Variants in IFT74 observed in about 807,000 individuals in gnomAD.
IFT74 encodes the protein intraflagellar transport 74, also known as intraflagellar transport protein 74 homolog.
In IFT74, 92 loss-of-function variants were observed where a neutral mutation model predicts 96.7. The observed-to-expected ratio is 0.95, with a 90% CI of 0.80 to 1.13. IFT74 has a LOEUF of 1.13. Among genes scored for constraint, IFT74 ranks in the 50% most tolerant of loss-of-function variants. The pLI is 0.00. For synonymous variants in IFT74, 223 were observed against 213.2 expected, an observed-to-expected ratio of 1.05 and a Z score of -0.40; for missense variants, 811 against 698.2, an observed-to-expected ratio of 1.16 and a Z score of -1.82.
intron 1 of IFT74, among the ~76,000 whole-genome samples, chr9:26,957,391 T>C (rs1451634369): frequency 6.6e-6 from 1 of 152,220 alleles, no homozygotes; most frequent in Non-Finnish European, 1.5e-5. Context: ...AAAAACCATT[T>C]TGATCATACA....
chr9:27,021,334 T>A (rs1054333469), intron 12 of IFT74, among the ~76,000 whole-genome samples: 2 of 152,294 alleles, frequency 1.3e-5, no homozygotes, highest in Admixed American at 1.3e-4. Flanking sequence ...TTCTATTTCC[T>A]CTGGATAGAT....
intron 1 of IFT74, among the ~76,000 whole-genome samples, chr9:26,958,063 C>T (rs1826200659): frequency 6.6e-6 from 1 of 151,608 alleles, no homozygotes; most frequent in African/African-American, 2.4e-5. Flanking sequence ...GCTTTGTTTG[C>T]TTTTTAACAA....
intron 1 of IFT74, among the ~76,000 whole-genome samples, chr9:26,950,310 CAA>C (rs768360968): frequency 8.0e-5 from 10 of 124,342 alleles, no homozygotes; most frequent in Admixed American, 2.5e-4. Flanking sequence ...GACTCTGTCT[CAA>C]AAAAAAAAAA....
intron 14 of IFT74, among the ~76,000 whole-genome samples, chr9:27,046,456 T>G (rs1373766784): frequency 6.6e-6 from 1 of 152,186 alleles, no homozygotes; most frequent in East Asian, 1.9e-4. Context: ...TTTTAGATGC[T>G]CCATAGAAAT....
intron 12 of IFT74, among the ~76,000 whole-genome samples, chr9:27,023,485 A>G (rs1398266293): frequency 6.6e-6 from 1 of 152,148 alleles, no homozygotes; most frequent in Non-Finnish European, 1.5e-5. Context: ...ATGTTCACTC[A>G]TCCCTGCATC....
At chr9:27,022,185 C>T (rs558284897) in intron 12 of IFT74, among the ~76,000 whole-genome samples, 2 of 152,196 alleles carry the variant, frequency 1.3e-5, no homozygotes, top group East Asian at 3.9e-4. Context: ...TGCCATTGGT[C>T]CATGTACATG....
intron 13 of IFT74, among the ~76,000 whole-genome samples, chr9:27,040,555 A>T (rs1452923512): frequency 6.6e-6 from 1 of 151,456 alleles, no homozygotes; most frequent in Non-Finnish European, 1.5e-5. Flanking sequence ...AAAAAAAAAA[A>T]AAAAAAAAAA....
At chr9:27,004,521 C>G (rs1025185591) in intron 8 of IFT74, among the ~76,000 whole-genome samples, 1 of 152,128 alleles carries the variant, frequency 6.6e-6, no homozygotes, top group Non-Finnish European at 1.5e-5. Flanking sequence ...AGTCCCCAGA[C>G]AAAGCATTTG....
At chr9:27,061,197 TAGAA>T (rs926993680) in intron 19 of IFT74, among the ~76,000 whole-genome samples, 1 of 151,868 alleles carries the variant, frequency 6.6e-6, no homozygotes, top group South Asian at 2.1e-4. Flanking sequence ...AAGTAACTAA[TAGAA>T]AGCAGATTTT....
chr9:27,006,582 TG>T (rs1828789228), intron 8 of IFT74, among the ~76,000 whole-genome samples: 1 of 142,230 alleles, frequency 7.0e-6, no homozygotes, highest in African/African-American at 2.7e-5. Flanking sequence ...GGGTGACAAG[TG>T]GTACCTGTCA....
chr9:26,971,696 A>C (rs562514131), intron 2 of IFT74, among the ~76,000 whole-genome samples: 2 of 152,154 alleles, frequency 1.3e-5, no homozygotes, highest in African/African-American at 2.4e-5. Flanking sequence ...GCCCTGGGAC[A>C]TGTACAATAG....
chr9:26,982,691 G>T (rs1827439739), intron 4 of IFT74, among the ~76,000 whole-genome samples: 1 of 152,038 alleles, frequency 6.6e-6, no homozygotes, highest in Non-Finnish European at 1.5e-5. Flanking sequence ...CCAACCTCAG[G>T]TGATCTGCCC....
At position 27,050,890 on chromosome 9, in the gene IFT74, A is replaced by G. The variant is rs549572725; in HGVS notation, c.1333+2616A>G. Among the ~76,000 whole-genome samples the G allele has an allele frequency of 9.2e-5, 14 of 152,122 alleles. No individual in the cohort carries two copies. The East Asian group carries it at 2.3e-3, about 25-fold the overall frequency. On this transcript the variant is annotated intron_variant, in intron 16 of 19. Transcript: ENST00000380062. Reference sequence around the variant, plus strand: ...CCTAGAACTTAAAGTATAATAATATATATATATAAAAGATTTTTGAAATGA... The same window carrying G: ...CCTAGAACTTAAAGTATAATAATATGTATATATAAAAGATTTTTGAAATGA...
At chr9:26,995,803 A>G in intron 8 of IFT74, 1 of 1,609,410 alleles carries the variant, frequency 6.2e-7, no homozygotes, top group Non-Finnish European at 8.5e-7. Context: ...GTACAGTGAC[A>G]ACAACACCAA....
intron 9 of IFT74, among the ~76,000 whole-genome samples, chr9:27,011,538 TA>T (rs550442562): frequency 4.1e-4 from 63 of 152,152 alleles, no homozygotes; most frequent in Non-Finnish European, 6.5e-4. Flanking sequence ...ATAATAATCT[TA>T]AACAATGACA....
Position 27,029,077 on chromosome 9 carries a change from C to T in IFT74, c.1027C>T (p.Leu343Phe). ...INQFIEEIRQ[L>F]DMDLEEHQGE... is the part of the protein sequence containing the mutation. The stretch of plus-strand genomic sequence containing the variant: ...TCAGTTTATTGAAGAAATTAGACAA[C>T]TTGACATGGATTTAGAGGAACACCA... Residue 343 changes from leucine to phenylalanine, a missense_variant, in exon 13 of 20, where the codon CTT (leucine) becomes TTT (phenylalanine). Coordinates refer to ENST00000380062, the MANE Select transcript of IFT74 (RefSeq NM_025103.4). The T allele has an allele frequency of 6.2e-7, 1 of 1,602,092 alleles. No homozygotes were observed. The highest frequency in any genetic ancestry group is 8.5e-7 in the Non-Finnish European group (1 of 1,173,894).
At chr9:26,962,172 C>G (rs3739544) in intron 2 of IFT74, 85 bp downstream of exon 2, 2 of 1,339,478 alleles carry the variant, frequency 1.5e-6, no homozygotes, top group African/African-American at 1.5e-5. Flanking sequence ...TCAGTGAACT[C>G]TGATCATGCC....
intron 14 of IFT74, 35 bp downstream of exon 14, chr9:27,044,830 A>G (rs773111286): frequency 1.8e-5 from 22 of 1,227,046 alleles, no homozygotes; most frequent in African/African-American, 3.1e-5. Context: ...AAAATATAAT[A>G]TTTTCAGATT....
At chr9:26,968,974 T>C (rs1826758928) in intron 2 of IFT74, among the ~76,000 whole-genome samples, 1 of 152,150 alleles carries the variant, frequency 6.6e-6, no homozygotes. Context: ...TGCTCATGCT[T>C]ATCTGATTCT....
Sources: allele counts gnomAD v4.1 joint callset (sites outside exome capture counted in the v4.1 genomes callset), GRCh38; gene constraint gnomAD v4.1.1; transcripts MANE v1.5; gene names NCBI Gene and HGNC (gene_info 2026-07-23, HGNC 2026-07-21).